Variants in BSN observed in about 807,000 individuals in gnomAD.
The protein encoded by BSN is protein bassoon.
BSN carries 57 observed loss-of-function variants against 264.8 expected under a neutral mutation model. The observed-to-expected ratio is 0.22, with a 90% CI of 0.17 to 0.27. The LOEUF (loss-of-function observed/expected upper bound fraction) is 0.27. Ranked by LOEUF, BSN falls within the 10% of genes least tolerant of loss-of-function variation. BSN has a pLI of 1.00. For missense variants in BSN, 4,615 were observed against 5,232.5 expected (o/e 0.88, Z 3.64); for synonymous variants, 2,059 against 2,137.3 (o/e 0.96, Z 1.01).
chr3:49,648,585 C>T (rs1364180121), intron 3 of BSN, among the ~76,000 whole-genome samples: 1 of 152,202 alleles, frequency 6.6e-6, no homozygotes, highest in East Asian at 1.9e-4. Flanking sequence ...AGCTAGGGTT[C>T]CTGGATCAGG....
intron 2 of BSN, among the ~76,000 whole-genome samples, chr3:49,626,544 C>T (rs1043611512): frequency 6.6e-6 from 1 of 152,132 alleles, no homozygotes; most frequent in African/African-American, 2.4e-5. Context: ...GGCGTGCATG[C>T]TCGTGATTAT....
chr3:49,587,884 G>A (rs1442999153), intron 1 of BSN, among the ~76,000 whole-genome samples: 2 of 43,554 alleles, frequency 4.6e-5, no homozygotes, highest in Non-Finnish European at 1.3e-4. Flanking sequence ...GGGAAAGTTG[G>A]GGTTTTTCTT....
rs1320097517 is a variant in BSN at position 49,625,377 on chromosome 3, C to T, written c.627C>T (p.Leu209=). 11 of 1,482,686 alleles carry T rather than the reference C, an allele frequency of 7.4e-6. No individual in the cohort carries two copies. The highest frequency in any genetic ancestry group is 2.8e-5 in the African/African-American group (2 of 70,254). 91.8% of individuals were successfully genotyped at this position (1,482,686 alleles called of 1,614,324 possible). A position where few individuals can be genotyped will look rare whatever the true frequency, so the allele number is the denominator to read the frequency against. ...NQCGFNPNPH[L]TQVKEWLCLN... ...GTGGGTTCAACCCCAACCCTCATCT[C>T]ACCCAGGTAACCACTTCTGCGCCGG... The change falls in exon 2 of 12, where the codon CTC becomes CTT. Residue 209 remains leucine, a synonymous_variant. Transcript: ENST00000296452. This position sits in a 1 kb window ranked among gnomAD's most constrained non-coding sequence, Gnocchi z 4.4.
chr3:49,606,709 C>T lies in BSN; in HGVS notation c.225-18266C>T, dbSNP rs535243749. On this transcript the variant is annotated intron_variant, in intron 1 of 11. Transcript: ENST00000296452. The stretch of plus-strand genomic sequence containing the variant: ...CCTTTTGTATTTGGATCTGTATTCA[C>T]ATCCTCCATCCCAGGTACCCCACTC... Among the ~76,000 whole-genome samples, 152 of 152,232 alleles carry T rather than the reference C, an allele frequency of 1.0e-3. 1 individual carries two copies. The South Asian group carries it at 0.018, about 18-fold the overall frequency.
At chr3:49,609,993 C>T (rs2052192406) in intron 1 of BSN, among the ~76,000 whole-genome samples, 1 of 152,224 alleles carries the variant, frequency 6.6e-6, no homozygotes, top group South Asian at 2.1e-4. Context: ...TCACTGAGCC[C>T]TGCTCTGGGC....
At chr3:49,564,660 G>GTAC (rs1202992093) in intron 1 of BSN, among the ~76,000 whole-genome samples, 1 of 152,154 alleles carries the variant, frequency 6.6e-6, no homozygotes, top group East Asian at 1.9e-4. Flanking sequence ...CTGAGTAGTG[G>GTAC]GAGTAGCTGC....
At position 49,663,816 on chromosome 3, in the gene BSN, A is replaced by T; in HGVS notation, c.11538A>T (p.Lys3846Asn). ...PPRAEQTNGSKGTAKAPQQGR... is the reference protein window; with the variant it reads ...PPRAEQTNGSNGTAKAPQQGR... ...GGGCAGAACAGACAAATGGCTCTAA[A>T]GGGACAGCCAAAGCACCGCAACAGG... The change falls in exon 8 of 12, where the codon AAA becomes AAT. Residue 3846 changes from lysine to asparagine, a missense_variant. Lys to Asn is a moderately conservative substitution (Grantham distance 94). This residue lies in a region of BSN where 3,415 missense variants were observed against 3,866.4 expected (regional missense o/e 0.88). Transcript: ENST00000296452. The T allele has an allele frequency of 6.2e-7, 1 of 1,614,164 alleles. No individual in the cohort carries two copies. The highest frequency in any genetic ancestry group is 8.5e-7 in the Non-Finnish European group (1 of 1,180,032).
At position 49,579,524 on chromosome 3, in the gene BSN, T is replaced by C. The variant is rs575092399; in HGVS notation, c.224+24698T>C. Among the ~76,000 whole-genome samples the C allele has an allele frequency of 1.2e-4, 19 of 152,098 alleles. 1 individual carries two copies. In the South Asian group the frequency reaches 3.9e-3, roughly 32 times the overall value. ...TTCAAGCAATTCTCCTGCCTCAGCC[T>C]CCTAAGTAGCTAAGATTACAGGCGC... On this transcript the variant is annotated intron_variant, in intron 1 of 11. Coordinates refer to ENST00000296452, the MANE Select transcript of BSN (RefSeq NM_003458.4).
At chr3:49,588,880 T>C (rs1361415170) in intron 1 of BSN, among the ~76,000 whole-genome samples, 1 of 151,960 alleles carries the variant, frequency 6.6e-6, no homozygotes, top group African/African-American at 2.4e-5. Flanking sequence ...TCCGTGTACA[T>C]TTGAGAAGAG....
chr3:49,622,085 G>A (rs1391267579), intron 1 of BSN, among the ~76,000 whole-genome samples: 1 of 152,116 alleles, frequency 6.6e-6, no homozygotes, highest in East Asian at 1.9e-4. Context: ...GGGAGAATTT[G>A]TGAAGGTGAG....
chr3:49,591,614 T>C (rs1243585560), intron 1 of BSN, among the ~76,000 whole-genome samples: 1 of 152,168 alleles, frequency 6.6e-6, no homozygotes, highest in African/African-American at 2.4e-5. Flanking sequence ...TTGTTTTTTT[T>C]TGAGGCAGGG....
chr3:49,556,747 C>CA (rs2051675633), intron 1 of BSN, among the ~76,000 whole-genome samples: 2 of 152,236 alleles, frequency 1.3e-5, no homozygotes, highest in Admixed American at 1.3e-4. Flanking sequence ...TAGAGCATCT[C>CA]AGATACCTGA....
At chr3:49,626,846 A>G (rs1035128011) in intron 2 of BSN, among the ~76,000 whole-genome samples, 1 of 152,198 alleles carries the variant, frequency 6.6e-6, no homozygotes, top group African/African-American at 2.4e-5. Context: ...AGAGCCACAC[A>G]TGGTGGCCCC....
intron 1 of BSN, among the ~76,000 whole-genome samples, chr3:49,555,812 C>T (rs2051664310): frequency 6.6e-6 from 1 of 152,214 alleles, no homozygotes. Flanking sequence ...GTGCTTCCAG[C>T]TCCATGTGGG....
At chr3:49,559,645 G>T (rs1485271831) in intron 1 of BSN, among the ~76,000 whole-genome samples, 2 of 152,292 alleles carry the variant, frequency 1.3e-5, no homozygotes, top group Middle Eastern at 3.4e-3. Flanking sequence ...TGATGCATCT[G>T]TCTAGTTTCT....
At chr3:49,623,420 G>C (rs1344953006) in intron 1 of BSN, among the ~76,000 whole-genome samples, 1 of 152,236 alleles carries the variant, frequency 6.6e-6, no homozygotes, top group East Asian at 1.9e-4. Context: ...AACTGGAAAA[G>C]AGGAAAATTG....
Position 49,656,522 on chromosome 3 carries a change from T to G in BSN, c.6966T>G (p.Ala2322=), listed in dbSNP as rs983637429. ...CCACCCCTGCTGCCATCAAGGAGGC[T>G]GCAGGAGCCCCAGCTCCTGCCCCAC... The part of the protein sequence containing the change: ...PTTTPAAIKE[A]AGAPAPAPLA... The change falls in exon 5 of 12, where the codon GCT becomes GCG. Residue 2322 remains alanine, a synonymous_variant. Coordinates refer to ENST00000296452, the MANE Select transcript of BSN (RefSeq NM_003458.4). The G allele has an allele frequency of 3.2e-6, 5 of 1,575,894 alleles. No individual in the cohort carries two copies. The African/African-American group carries it at 5.4e-5, about 17-fold the overall frequency.
At chr3:49,579,677 T>A (rs1033135443) in intron 1 of BSN, among the ~76,000 whole-genome samples, 1 of 151,702 alleles carries the variant, frequency 6.6e-6, no homozygotes, top group African/African-American at 2.4e-5. Flanking sequence ...AGCCTCGGCC[T>A]CCCAAGGTGC....
intron 1 of BSN, among the ~76,000 whole-genome samples, chr3:49,599,448 C>T (rs987136518): frequency 6.6e-6 from 1 of 152,112 alleles, no homozygotes; most frequent in Non-Finnish European, 1.5e-5. Context: ...TAGTCTTAAA[C>T]TGGAAACTGG....
Sources: allele counts gnomAD v4.1 joint callset (sites outside exome capture counted in the v4.1 genomes callset), GRCh38; gene constraint gnomAD v4.1.1; regional missense constraint gnomAD v4.1.1; non-coding constraint Gnocchi (gnomAD v3.1); transcripts MANE v1.5; gene names NCBI Gene and HGNC (gene_info 2026-07-23, HGNC 2026-07-21).